The following CLDN10 variants were observed in gnomAD, a reference collection of about 807,000 sequenced individuals.
The protein encoded by CLDN10 is claudin-10.
Under a neutral mutation model 22.9 loss-of-function variants are expected in CLDN10, and 15 were observed. The ratio of observed to expected loss-of-function variants is 0.65; its 90% CI spans 0.44 to 1.01. CLDN10 has a LOEUF of 1.01. Among genes scored for constraint, CLDN10 ranks in the 50% least tolerant of loss-of-function variants. CLDN10 has a pLI of 0.00. For synonymous variants in CLDN10, 114 were observed against 111.4 expected, an observed-to-expected ratio of 1.02 and a Z score of -0.15; for missense variants, 247 against 287.8, an observed-to-expected ratio of 0.86 and a Z score of 1.03.
chr13:95,559,789 T>C (rs1406927432), intron 1 of CLDN10, among the ~76,000 whole-genome samples: 1 of 152,164 alleles, frequency 6.6e-6, no homozygotes, highest in Non-Finnish European at 1.5e-5. Context: ...TATATGGAAT[T>C]CGTAGTCTGA....
intron 1 of CLDN10, among the ~76,000 whole-genome samples, chr13:95,514,370 C>A (rs2043138900): frequency 6.6e-6 from 1 of 152,160 alleles, no homozygotes; most frequent in South Asian, 2.1e-4. Flanking sequence ...CAAACGTTAA[C>A]AATCAGGGAT....
chr13:95,521,415 C>G (rs979231914), intron 1 of CLDN10, among the ~76,000 whole-genome samples: 1 of 152,032 alleles, frequency 6.6e-6, no homozygotes, highest in African/African-American at 2.4e-5. Context: ...TTATTCAATG[C>G]TTTTTTGACA....
chr13:95,434,538 C>CATGTGTGCATATATATATGCACACAT lies in CLDN10; in HGVS notation c.214+491_214+492insATGTGTGCATATATATATGCACACAT, dbSNP rs55732645. Among the ~76,000 whole-genome samples, 6 of 149,290 alleles carry CATGTGTGCATATATATATGCACACAT rather than the reference C, an allele frequency of 4.0e-5. No individual in the cohort carries two copies. In the South Asian group the frequency reaches 6.5e-4, roughly 16 times the overall value. On this transcript the variant is annotated intron_variant, in intron 1 of 4. Coordinates refer to the CLDN10 transcript ENST00000376873. ...GTGTGTGTGTATATATATATGCACA[C>CATGTGTGCATATATATATGCACACAT]GTGTGTATATATATATGCACACATG...
chr13:95,484,224 A>G (rs2042778975), intron 1 of CLDN10, among the ~76,000 whole-genome samples: 1 of 152,206 alleles, frequency 6.6e-6, no homozygotes, highest in African/African-American at 2.4e-5. Context: ...TGAGAGGGCT[A>G]AGAGCTACAG....
chr13:95,524,501 G>A (rs9516597), intron 1 of CLDN10, among the ~76,000 whole-genome samples: 1 of 151,764 alleles, frequency 6.6e-6, no homozygotes, highest in African/African-American at 2.4e-5. Flanking sequence ...TTCCCTTTTC[G>A]GTTAAATGAT....
intron 3 of CLDN10, among the ~76,000 whole-genome samples, chr13:95,569,222 AAG>A (rs1295811947): frequency 1.3e-5 from 2 of 152,154 alleles, no homozygotes; most frequent in African/African-American, 4.8e-5. Context: ...GACCTAGTAG[AAG>A]AGACAATTGT....
chr13:95,446,390 G>A (rs182017187), intron 1 of CLDN10, among the ~76,000 whole-genome samples: 153 of 152,328 alleles, frequency 1.0e-3, no homozygotes, highest in Admixed American at 9.6e-3. Flanking sequence ...CAACTGCCAA[G>A]CTCTGTGCTA....
intron 1 of CLDN10, among the ~76,000 whole-genome samples, chr13:95,522,996 C>G (rs1004218451): frequency 1.3e-5 from 2 of 151,710 alleles, no homozygotes; most frequent in East Asian, 1.9e-4. Flanking sequence ...GCCTGAAAAT[C>G]TTTGACTTTA....
At chr13:95,575,028 T>C (rs2043906627) in intron 3 of CLDN10, among the ~76,000 whole-genome samples, 1 of 152,210 alleles carries the variant, frequency 6.6e-6, no homozygotes, top group African/African-American at 2.4e-5. Flanking sequence ...CTGGCCACTA[T>C]TAATAATTAG....
rs114317653 is a variant in CLDN10, at chr13:95,565,419, A to G, written c.464+4956A>G. On this transcript the variant is annotated intron_variant, in intron 3 of 4. Coordinates refer to ENST00000299339, the MANE Select transcript of CLDN10 (RefSeq NM_006984.5). ...TCTTAGACTTATTCTTTTTTTGTAT[A>G]TGACATTTACCGTTAATATTTTGGC... Among the ~76,000 whole-genome samples the G allele has an allele frequency of 9.3e-3, 1,420 of 152,268 alleles. 22 individuals are homozygous for G. Among genetic ancestry groups the G allele is most frequent in the African/African-American group, 0.032 (1,344 of 41,548 alleles).
At chr13:95,553,714 C>T (rs1022956134) in intron 1 of CLDN10, among the ~76,000 whole-genome samples, 3 of 152,196 alleles carry the variant, frequency 2.0e-5, no homozygotes, top group African/African-American at 7.2e-5. Flanking sequence ...TCCGAGTCCC[C>T]GGTGCCTGCT....
intron 1 of CLDN10, among the ~76,000 whole-genome samples, chr13:95,512,412 T>C (rs990517757): frequency 2.0e-5 from 3 of 152,164 alleles, no homozygotes; most frequent in Non-Finnish European, 4.4e-5. Context: ...TTGTTGTTTT[T>C]GGTTTGTTTG....
chr13:95,470,757 A>G (rs78366621), intron 1 of CLDN10, among the ~76,000 whole-genome samples: 1 of 152,094 alleles, frequency 6.6e-6, no homozygotes, highest in Admixed American at 6.5e-5. Context: ...TTCCATTTCA[A>G]TCACACACTT....
intron 1 of CLDN10, among the ~76,000 whole-genome samples, chr13:95,483,401 G>T (rs945663456): frequency 4.6e-5 from 7 of 151,620 alleles, no homozygotes; most frequent in African/African-American, 1.7e-4. Flanking sequence ...TAGAGACATG[G>T]TCTCACTATG....
chr13:95,453,857 G>A (rs564653993), intron 1 of CLDN10, among the ~76,000 whole-genome samples: 6 of 152,274 alleles, frequency 3.9e-5, no homozygotes, highest in Middle Eastern at 3.4e-3. Context: ...GCTTACACCT[G>A]TAATCCCAGC....
chr13:95,547,932 AC>A (rs1478968553), upstream of CLDN10, among the ~76,000 whole-genome samples: 2 of 152,196 alleles, frequency 1.3e-5, no homozygotes, highest in Non-Finnish European at 2.9e-5. Flanking sequence ...CCAAAGGAAA[AC>A]TGCTACTCTC....
At chr13:95,476,648 G>A (rs1177578875) in intron 1 of CLDN10, among the ~76,000 whole-genome samples, 2 of 152,160 alleles carry the variant, frequency 1.3e-5, no homozygotes, top group African/African-American at 4.8e-5. Flanking sequence ...CAGGCAGTGT[G>A]TGAAGGGCAA....
chr13:95,492,863 G>A (rs539838092), intron 1 of CLDN10, among the ~76,000 whole-genome samples: 10 of 152,272 alleles, frequency 6.6e-5, no homozygotes, highest in African/African-American at 2.4e-4. Context: ...CTCTACCCTT[G>A]TATTTTGCTC....
intron 1 of CLDN10, among the ~76,000 whole-genome samples, chr13:95,447,724 G>A (rs36071128): frequency 6.7e-6 from 1 of 149,736 alleles, no homozygotes; most frequent in Non-Finnish European, 1.5e-5. Context: ...GGGAAAACGA[G>A]AAGGGGGAGT....
Sources: allele counts gnomAD v4.1 joint callset (sites outside exome capture counted in the v4.1 genomes callset), GRCh38; gene constraint gnomAD v4.1.1; transcripts MANE v1.5; gene names NCBI Gene and HGNC (gene_info 2026-07-23, HGNC 2026-07-21).